The following NPC1 variants were observed in gnomAD, a reference collection of about 807,000 sequenced individuals.
NPC1 encodes Niemann-Pick C1 protein.
Under a neutral mutation model 140.4 loss-of-function variants are expected in NPC1, and 85 were observed. The observed-to-expected ratio is 0.61, with a 90% confidence interval of 0.51 to 0.72. NPC1 has a LOEUF of 0.72. Among genes scored for constraint, NPC1 ranks in the 30% least tolerant of loss-of-function variants. The pLI is 0.00. For missense variants in NPC1, 1,504 were observed against 1,623.8 expected (o/e 0.93, Z 1.27); for synonymous variants, 656 against 624.8 (o/e 1.05, Z -0.74).
intron 3 of NPC1, among the ~76,000 whole-genome samples, chr18:23,510,964 C>T (rs934534851): frequency 1.1e-4 from 17 of 152,156 alleles, no homozygotes; most frequent in African/African-American, 4.1e-4. Flanking sequence ...ACCTAGCAGC[C>T]CCATTACTGG....
intron 5 of NPC1, 133 bp from the exon 6 acceptor site, chr18:23,560,613 A>G: frequency 1.0e-6 from 1 of 998,226 alleles, no homozygotes; most frequent in Admixed American, 2.7e-5. Context: ...TGGAGGTTTT[A>G]GTTTAATTAA....
At chr18:23,557,607 G>A (rs758251157) in intron 6 of NPC1, among the ~76,000 whole-genome samples, 1 of 152,016 alleles carries the variant, frequency 6.6e-6, no homozygotes, top group Non-Finnish European at 1.5e-5. Flanking sequence ...ATACAAAAAG[G>A]TTAGCTGGGT....
downstream of NPC1, among the ~76,000 whole-genome samples, chr18:23,521,107 G>T (rs1450053774): frequency 6.6e-6 from 1 of 151,950 alleles, no homozygotes; most frequent in Non-Finnish European, 1.5e-5. Flanking sequence ...CGCCTGCCTC[G>T]CTCTCCCAAA....
chr18:23,535,754 C>T lies in NPC1; in HGVS notation c.3246-54G>A, dbSNP rs1388346602. On this transcript the variant is annotated intron_variant, in intron 21 of 24. Transcript: ENST00000269228. ...AGCTCGCTCTCACTCCCGAACACTG[C>T]GTGTTCATCCTGTCACCACTGCCAA... The T allele has an allele frequency of 1.6e-5, 18 of 1,151,126 alleles. No individual in the cohort carries two copies. The East Asian group carries it at 1.6e-4, about 10-fold the overall frequency. 71.3% of individuals were successfully genotyped at this position (1,151,126 alleles called of 1,614,324 possible).
At chr18:23,519,282 C>G, downstream of NPC1, 1 of 919,116 alleles carries the variant, frequency 1.1e-6, no homozygotes, top group Middle Eastern at 3.3e-4. Context: ...CTTTGGGAGG[C>G]CAAGGCGGAC....
At position 23,539,995 on chromosome 18, in the gene NPC1, A is replaced by C; in HGVS notation, c.2611T>G (p.Tyr871Asp). 2 of 1,613,736 alleles carry C rather than the reference A, an allele frequency of 1.2e-6. No homozygotes were observed. Among genetic ancestry groups the C allele is most frequent in the Non-Finnish European group, 1.7e-6 (2 of 1,179,568 alleles). ...ATGGATTTGAAATAATCCACCATGT[A>C]GGAGTCCTGAAAGAAAGATAAAAGA... ...DQSLSMPDDS[Y>D]MVDYFKSISQ... The change falls in exon 18 of 25, where the codon TAC (tyrosine) becomes GAC (aspartate). Residue 871 changes from tyrosine to aspartate, a missense_variant. Tyr to Asp is a radical substitution (Grantham distance 160). Coordinates refer to ENST00000269228, the MANE Select transcript of NPC1 (RefSeq NM_000271.5).
At chr18:23,509,226 A>C in intron 3 of NPC1, 2 of 1,465,738 alleles carry the variant, frequency 1.4e-6, no homozygotes, top group Non-Finnish European at 1.8e-6. Flanking sequence ...ATTCTGCTGG[A>C]CTAGTTCAAC....
chr18:23,550,941 A>C (rs2058863018), intron 10 of NPC1, among the ~76,000 whole-genome samples: 3 of 152,322 alleles, frequency 2.0e-5, no homozygotes, highest in Admixed American at 6.5e-5. Flanking sequence ...TCTGATGCAC[A>C]GTAAATTTTA....
chr18:23,585,864 C>T (rs1446728249), intron 1 of NPC1, among the ~76,000 whole-genome samples: 5 of 152,336 alleles, frequency 3.3e-5, no homozygotes, highest in South Asian at 4.1e-4. Flanking sequence ...TGTCTCTTTA[C>T]CTCTGCTTCC....
At chr18:23,569,517 G>T (rs982289335) in intron 3 of NPC1, among the ~76,000 whole-genome samples, 2 of 152,054 alleles carry the variant, frequency 1.3e-5, no homozygotes, top group African/African-American at 4.8e-5. Flanking sequence ...TAGAGATGTG[G>T]GTCTGTGTTG....
In NPC1 at chr18:23,539,360, G is replaced by A; in HGVS notation, c.2906C>T (p.Ala969Val). Reference protein sequence around the residue: ...VDNITDQFCNASVVDPACVRC... With the variant: ...VDNITDQFCNVSVVDPACVRC... Reference sequence around the variant, plus strand: ...TTTGGTAAAGGAGAAGGTACCTGAAGCATTGCAGAACTGGTCAGTGATATT... The same window carrying A: ...TTTGGTAAAGGAGAAGGTACCTGAAACATTGCAGAACTGGTCAGTGATATT... The change falls in exon 19 of 25, where the codon GCT (alanine) becomes GTT (valine). Residue 969 changes from alanine (A) to valine (V), a missense_variant. Ala to Val is a moderately conservative substitution (Grantham distance 64). Coordinates refer to ENST00000269228, the MANE Select transcript of NPC1 (RefSeq NM_000271.5). 1.9e-6 allele frequency: 3 copies of A among 1,606,244 alleles called. No homozygotes were observed. The highest frequency in any genetic ancestry group is 2.6e-6 in the Non-Finnish European group (3 of 1,172,882).
At chr18:23,527,589 C>CTTTTTT (rs71163615), downstream of NPC1, among the ~76,000 whole-genome samples, 2 of 108,366 alleles carry the variant, frequency 1.8e-5, no homozygotes, top group African/African-American at 3.6e-5. Flanking sequence ...CCTGCTATAG[C>CTTTTTT]TTTTTTTTTT....
chr18:23,585,030 G>C (rs1367084), intron 1 of NPC1, among the ~76,000 whole-genome samples: 56,257 of 151,894 alleles, frequency 0.37, 11,959 homozygotes, highest in Admixed American at 0.48. Context: ...CTGGGCAACA[G>C]AGCAAGAACC....
chr18:23,506,963 C>T (rs1370889124), intron 3 of NPC1: 5 of 1,581,758 alleles, frequency 3.2e-6, no homozygotes, highest in Non-Finnish European at 2.6e-6. Context: ...AATCTTTCTT[C>T]TTAAAGAATG....
chr18:23,560,246 G>C lies in NPC1; in HGVS notation c.866C>G (p.Ala289Gly), dbSNP rs1398533579. ...FLLVFFGAFF[A>G]VWCYRKRYFV... is the part of the protein sequence containing the mutation. ...AACTGCTTACCTGTAGCACCACACT[G>C]CAAAAAATGCTCCAAAAAACACAAG... Residue 289 changes from alanine (A) to glycine (G), a missense_variant, in exon 6 of 25, where the codon GCA becomes GGA. Coordinates refer to ENST00000269228, the MANE Select transcript of NPC1 (RefSeq NM_000271.5). The C allele has an allele frequency of 6.2e-7, 1 of 1,614,010 alleles. No homozygotes were observed. Among genetic ancestry groups the C allele is most frequent in the Non-Finnish European group, 8.5e-7 (1 of 1,180,038 alleles).
At chr18:23,563,404 CTA>C (rs951276452) in intron 4 of NPC1, among the ~76,000 whole-genome samples, 4 of 152,120 alleles carry the variant, frequency 2.6e-5, no homozygotes, top group East Asian at 1.9e-4. Flanking sequence ...TATGGTAGTT[CTA>C]TGTTTGTTTC....
At chr18:23,573,220 T>G (rs968280490) in intron 2 of NPC1, among the ~76,000 whole-genome samples, 1 of 152,236 alleles carries the variant, frequency 6.6e-6, no homozygotes, top group East Asian at 1.9e-4. Flanking sequence ...CAACCTGCTA[T>G]TGGGAAACTT....
At position 23,543,629 on chromosome 18, in the gene NPC1, C is replaced by T. The variant is rs563761833; in HGVS notation, c.2131-60G>A. 2.8e-4 allele frequency: 264 copies of T among 957,884 alleles called. 6 individuals carry two copies. In the South Asian group the frequency reaches 3.3e-3, roughly 12 times the overall value. The allele number at this position is 957,884 out of a possible 1,614,324, so 59.3% of individuals were successfully genotyped here. On this transcript the variant is annotated intron_variant, in intron 13 of 24. Transcript: ENST00000269228. ...AAATTTCTCAATAACAACGCCATTT[C>T]TTGCTGCCTTGTGTTAACTCAAGGG...
chr18:23,560,138 G>T, intron 6 of NPC1, 93 bp downstream of exon 6: 1 of 1,489,652 alleles, frequency 6.7e-7, no homozygotes, highest in South Asian at 1.1e-5. Context: ...TTTGTTTCTT[G>T]TCCTAAGTAA....
Sources: gnomAD v4.1 joint callset for allele counts (sites outside exome capture counted in the v4.1 genomes callset) on GRCh38, gnomAD v4.1.1 for gene constraint, MANE v1.5 for transcripts, NCBI Gene and HGNC (gene_info 2026-07-23, HGNC 2026-07-21) for gene names.